The following PDXDC1 variants were observed in gnomAD, a reference collection of about 807,000 sequenced individuals.
The protein encoded by PDXDC1 is pyridoxal dependent decarboxylase domain containing 1, also known as pyridoxal-dependent decarboxylase domain-containing protein 1.
Under a neutral mutation model 100.1 loss-of-function variants are expected in PDXDC1, and 42 were observed. The observed-to-expected ratio is 0.42, with a 90% CI of 0.33 to 0.54. The LOEUF is 0.54. Ranked by LOEUF, PDXDC1 falls within the 20% of genes least tolerant of loss-of-function variation. PDXDC1 has a pLI of 0.10. For synonymous variants in PDXDC1, 260 were observed against 371.7 expected, an observed-to-expected ratio of 0.70 and a Z score of 3.46; for missense variants, 636 against 979.2, an observed-to-expected ratio of 0.65 and a Z score of 4.68.
the PDXDC1 span, among the ~76,000 whole-genome samples, chr16:15,151,424 CAAAAAAAAAAA>C: frequency 2.1e-3 from 31 of 14,428 alleles, no homozygotes; most frequent in African/African-American, 6.4e-3. Flanking sequence ...GACTCCGTCT[CAAAAAAAAAAA>C]AAAAAAAAAA....
intron 13 of PDXDC1, among the ~76,000 whole-genome samples, chr16:15,024,237 C>T (rs1458541937): frequency 6.6e-6 from 1 of 152,244 alleles, no homozygotes; most frequent in East Asian, 1.9e-4. Context: ...GCCTGTGAGT[C>T]CTCATCATCA....
chr16:15,044,196 T>C (rs2043949909), intron 16 of PDXDC1: 1 of 633,720 alleles, frequency 1.6e-6, no homozygotes, highest in Non-Finnish European at 2.8e-6. Flanking sequence ...AATTCCAAGC[T>C]GGGCAGTCTG....
In PDXDC1 at chr16:15,008,648, T is replaced by C. The variant is rs574691651; in HGVS notation, c.580-131T>C. 9 of 742,650 alleles carry C rather than the reference T, an allele frequency of 1.2e-5. No individual in the cohort carries two copies. In the East Asian group the frequency reaches 2.3e-4, roughly 19 times the overall value. The allele number at this position is 742,650 out of a possible 1,614,324, so 46.0% of individuals were successfully genotyped here. On this transcript the variant is annotated intron_variant, in intron 6 of 22. Coordinates refer to ENST00000396410, the MANE Select transcript of PDXDC1 (RefSeq NM_015027.4). ...AATGTACTTTAACATCAATTTATAA[T>C]ATTAAGAGTTCCTAAGGAGAGAGAT... is the stretch of plus-strand genomic sequence containing the variant.
intron 12 of PDXDC1, among the ~76,000 whole-genome samples, chr16:15,022,182 C>G (rs1197657223): frequency 1.3e-5 from 2 of 152,292 alleles, no homozygotes; most frequent in Non-Finnish European, 2.9e-5. Context: ...TATTGCATAT[C>G]AACTCATTTA....
At position 15,035,471 on chromosome 16, in the gene PDXDC1, CAT is replaced by C. The variant is rs1350580818; in HGVS notation, c.2030_2031del (p.Tyr677CysfsTer31). The C allele has an allele frequency of 2.5e-6, 4 of 1,611,136 alleles. No homozygotes were observed. The highest frequency in any genetic ancestry group is 3.4e-6 in the Non-Finnish European group (4 of 1,178,764). On this transcript the variant is annotated frameshift_variant, in exon 22 of 23. Coordinates refer to ENST00000396410, the MANE Select transcript of PDXDC1 (RefSeq NM_015027.4). LOFTEE classifies it high-confidence loss of function. The part of the protein sequence containing the change: ...TAGSLESTEP[I>X]YVYKAQGAGV... Reference sequence around the variant, plus strand: ...CAGGCTCTCTGGAGTCCACAGAACCCATATATGTCTACAAAGCACAAGGTGCA... The same window carrying C: ...CAGGCTCTCTGGAGTCCACAGAACCCATATGTCTACAAAGCACAAGGTGCA...
At chr16:15,109,790 A>G (rs1424190479) in intron 16 of PDXDC1, among the ~76,000 whole-genome samples, 2 of 140,722 alleles carry the variant, frequency 1.4e-5, no homozygotes, top group Admixed American at 1.4e-4. Context: ...CAGAGGTTGC[A>G]GTGAGCCAAG....
rs1335885293 is a variant in PDXDC1 at position 15,082,177 on chromosome 16, CTT to C, written c.1399+52124_1399+52125del. Among the ~76,000 whole-genome samples the C allele has an allele frequency of 2.6e-5, 4 of 152,166 alleles. No homozygotes were observed. In the East Asian group the frequency reaches 7.7e-4, roughly 29 times the overall value. On this transcript the variant is annotated intron_variant, in intron 16 of 16. Coordinates refer to the PDXDC1 transcript ENST00000535621. ...TTTTGTTCTTTGTCTTAGGAAAAAACTTTTGGTCTTTCACCAATGAATATGAT... is the reference window on the plus strand; with the variant it reads ...TTTTGTTCTTTGTCTTAGGAAAAAACTTGGTCTTTCACCAATGAATATGAT...
chr16:15,006,971 G>T (rs1298294742), intron 6 of PDXDC1, among the ~76,000 whole-genome samples: 1 of 152,244 alleles, frequency 6.6e-6, no homozygotes, highest in Non-Finnish European at 1.5e-5. Flanking sequence ...ATTAACTGTT[G>T]CCCTTTTGGA....
intron 1 of PDXDC1, among the ~76,000 whole-genome samples, chr16:14,987,583 C>T (rs1213026178): frequency 1.3e-5 from 2 of 152,280 alleles, no homozygotes; most frequent in Non-Finnish European, 2.9e-5. Context: ...GACATTCTTC[C>T]GAGGAACTTG....
At chr16:14,998,821 C>A (rs375397477) in intron 3 of PDXDC1, among the ~76,000 whole-genome samples, 14 of 152,384 alleles carry the variant, frequency 9.2e-5, no homozygotes, top group African/African-American at 3.4e-4. Flanking sequence ...GAACACATAG[C>A]AAATTTAAAT....
In PDXDC1 at chr16:15,034,558, G is replaced by A; in HGVS notation, c.2002+5G>A. The A allele has an allele frequency of 6.2e-7, 1 of 1,607,258 alleles. No homozygotes were observed. Among genetic ancestry groups the A allele is most frequent in the Non-Finnish European group, 8.5e-7 (1 of 1,174,142 alleles). On this transcript the variant is annotated splice_donor_5th_base_variant and intron_variant, in intron 21 of 22. Coordinates refer to ENST00000396410, the MANE Select transcript of PDXDC1 (RefSeq NM_015027.4). ...GAACTTTTAACTTGACAGCAGGTAGGACGGCATAGCCTCTTCCCAGGTCTT... is the reference window on the plus strand; with the variant it reads ...GAACTTTTAACTTGACAGCAGGTAGAACGGCATAGCCTCTTCCCAGGTCTT...
intron 13 of PDXDC1, among the ~76,000 whole-genome samples, chr16:15,023,078 G>A (rs574122129): frequency 6.6e-6 from 1 of 152,406 alleles, no homozygotes; most frequent in South Asian, 2.1e-4. Flanking sequence ...AAGGCCTTGG[G>A]CACACTCTTC....
In PDXDC1 at chr16:15,125,567, G is replaced by C. The variant is rs566745350; in HGVS notation, c.1400-13312G>C. On this transcript the variant is annotated intron_variant, in intron 16 of 16. Transcript: ENST00000535621. ...GGAACCCACCTCTTAGAATCATCCA[G>C]AAACAAGTCACTCTTCACCTGTCCA... 5.2e-6 allele frequency: 8 copies of C among 1,546,754 alleles called. No homozygotes were observed. In the African/African-American group the frequency reaches 8.1e-5, roughly 16 times the overall value.
chr16:15,126,837 T>TA (rs1280969576), intron 16 of PDXDC1: 1 of 174,144 alleles, frequency 5.7e-6, no homozygotes, highest in East Asian at 1.5e-4. Context: ...TTTGTATTTG[T>TA]AGTAGAGACG....
chr16:15,144,182 G>A (rs2048517926), downstream of PDXDC1, among the ~76,000 whole-genome samples: 1 of 152,152 alleles, frequency 6.6e-6, no homozygotes, highest in Admixed American at 6.5e-5. Flanking sequence ...GAAATGGGGT[G>A]CAGTGTGGGC....
At chr16:15,035,180 C>T (rs2043331895) in intron 21 of PDXDC1, among the ~76,000 whole-genome samples, 1 of 152,242 alleles carries the variant, frequency 6.6e-6, no homozygotes. Context: ...AAGGCACCCA[C>T]TTCTTGTGGC....
At chr16:15,125,163 A>C (rs1341098217) in intron 16 of PDXDC1, 1 of 544,874 alleles carries the variant, frequency 1.8e-6, no homozygotes, top group African/African-American at 1.9e-5. Flanking sequence ...AAAAAAAAAA[A>C]AAAAAAAAAA....
Position 15,125,617 on chromosome 16 carries a change from A to C in PDXDC1, c.1400-13262A>C, listed in dbSNP as rs564138003. Reference sequence around the variant, plus strand: ...AGCAAAGGCCTGCTGAGAGGTGCACAGTGTCTGGAGTCCAAGCTGCGCCAA... The same window carrying C: ...AGCAAAGGCCTGCTGAGAGGTGCACCGTGTCTGGAGTCCAAGCTGCGCCAA... On this transcript the variant is annotated intron_variant, in intron 16 of 16. Coordinates refer to the PDXDC1 transcript ENST00000535621. The C allele has an allele frequency of 1.6e-5, 19 of 1,167,902 alleles. No individual in the cohort carries two copies. In the South Asian group the frequency reaches 2.3e-4, roughly 14 times the overall value. The allele number at this position is 1,167,902 out of a possible 1,614,324, so 72.3% of individuals were successfully genotyped here. A position where few individuals can be genotyped will look rare whatever the true frequency, so the allele number is the denominator to read the frequency against.
At chr16:15,127,130 C>A in intron 16 of PDXDC1, 1 of 364,736 alleles carries the variant, frequency 2.7e-6, no homozygotes, top group South Asian at 2.1e-5. Flanking sequence ...GGCCTCTTCA[C>A]TTGCTATAGA....
Sources: gnomAD v4.1 joint callset for allele counts (sites outside exome capture counted in the v4.1 genomes callset) on GRCh38, gnomAD v4.1.1 for gene constraint, MANE v1.5 for transcripts, NCBI Gene and HGNC (gene_info 2026-07-23, HGNC 2026-07-21) for gene names.